Variants in NDUFAF5 observed in about 807,000 individuals in gnomAD.
NDUFAF5 encodes NADH:ubiquinone oxidoreductase complex assembly factor 5.
Under a neutral mutation model 48.9 loss-of-function variants are expected in NDUFAF5, and 34 were observed. That is an observed-to-expected ratio of 0.70 (90% CI 0.53 to 0.93). The LOEUF (loss-of-function observed/expected upper bound fraction) is 0.93, where lower values mean the gene tolerates loss of function less well. NDUFAF5 is among the 40% of genes least tolerant of loss of function. The pLI, the probability that NDUFAF5 is intolerant of heterozygous loss-of-function variation, is 0.00. For missense variants in NDUFAF5, 428 were observed against 427.5 expected (o/e 1.00, Z -0.01); for synonymous variants, 153 against 150.6 (o/e 1.02, Z -0.12).
intron 5 of NDUFAF5, among the ~76,000 whole-genome samples, chr20:13,797,280 A>C (rs1479156858): frequency 6.6e-6 from 1 of 152,238 alleles, no homozygotes; most frequent in Non-Finnish European, 1.5e-5. Flanking sequence ...ACGTCCACGC[A>C]AAAACCTGCA....
chr20:13,818,131 G>A lies in NDUFAF5; in HGVS notation c.*921G>A, dbSNP rs888018777. ...TCTGTCTCCTCTCAGTCTCTCTTCT[G>A]CCTTCCTTCCCTCCTTTACTGTATT... On this transcript the variant is annotated 3_prime_UTR_variant, in exon 11 of 11. Transcript: ENST00000378106. The A allele has an allele frequency of 8.8e-6, 4 of 453,876 alleles. No homozygotes were observed. Among genetic ancestry groups the A allele is most frequent in the African/African-American group, 2.0e-5 (1 of 49,942 alleles). 28.1% of individuals were successfully genotyped at this position (453,876 alleles called of 1,614,324 possible). A position where few individuals can be genotyped will look rare whatever the true frequency, so the allele number is the denominator to read the frequency against.
Position 13,787,057 on chromosome 20 carries a change from A to G in NDUFAF5, c.223-255A>G. 3 of 520,492 alleles carry G rather than the reference A, an allele frequency of 5.8e-6. 1 individual carries two copies. The highest frequency in any genetic ancestry group is 3.5e-6 in the Non-Finnish European group (1 of 287,346). 32.2% of individuals were successfully genotyped at this position (520,492 alleles called of 1,614,324 possible). A position where few individuals can be genotyped will look rare whatever the true frequency, so the allele number is the denominator to read the frequency against. ...ATGTCACATGGAATGTAAAGGCCAC[A>G]TATATATATGTGTGTGTGTGTGTGT... On this transcript the variant is annotated intron_variant, in intron 1 of 10. Transcript: ENST00000378106.
rs779145014 is a variant in NDUFAF5 at position 13,787,353 on chromosome 20, G to A, written c.263+1G>A. 1.2e-6 allele frequency: 2 copies of A among 1,613,750 alleles called. No individual in the cohort carries two copies. Among genetic ancestry groups the A allele is most frequent in the African/African-American group, 1.3e-5 (1 of 74,930 alleles). On this transcript the variant is annotated splice_donor_variant, in intron 2 of 10. Transcript: ENST00000378106. LOFTEE classifies it high-confidence loss of function. ...CAGACCGTGTATATGACATACCCAG[G>A]TAAGTGGTGGTGATCATAATACAAT...
chr20:13,790,615 G>T (rs943522272), intron 3 of NDUFAF5, among the ~76,000 whole-genome samples: 1 of 152,170 alleles, frequency 6.6e-6, no homozygotes, highest in Non-Finnish European at 1.5e-5. Flanking sequence ...CCTCTGCCCA[G>T]AACTGTTAGT....
chr20:13,804,077 C>T (rs917659812), intron 7 of NDUFAF5, among the ~76,000 whole-genome samples: 1 of 152,126 alleles, frequency 6.6e-6, no homozygotes, highest in African/African-American at 2.4e-5. Flanking sequence ...TGAGCCGCTG[C>T]GTCTGGCCAT....
chr20:13,796,087 A>T (rs1983166830), intron 5 of NDUFAF5, among the ~76,000 whole-genome samples: 1 of 152,222 alleles, frequency 6.6e-6, no homozygotes, highest in South Asian at 2.1e-4. Context: ...ATTTTCTTTC[A>T]GAAGTTCAGC....
intron 7 of NDUFAF5, among the ~76,000 whole-genome samples, chr20:13,802,820 A>T (rs1984413873): frequency 6.6e-6 from 1 of 152,130 alleles, no homozygotes; most frequent in Non-Finnish European, 1.5e-5. Flanking sequence ...ATTTTTCTAG[A>T]ACTAGGCTTC....
In NDUFAF5 at chr20:13,818,364, A is replaced by G; in HGVS notation, c.*1154A>G. Reference sequence around the variant, plus strand: ...GTTTGAAAAATCATCGATATTTGAAACTGGGATACGCTTGGTAGCTTTTTT... The same window carrying G: ...GTTTGAAAAATCATCGATATTTGAAGCTGGGATACGCTTGGTAGCTTTTTT... On this transcript the variant is annotated 3_prime_UTR_variant, in exon 11 of 11. Coordinates refer to ENST00000378106, the MANE Select transcript of NDUFAF5 (RefSeq NM_024120.5). 1 of 381,208 alleles carries G rather than the reference A, an allele frequency of 2.6e-6. No individual in the cohort carries two copies. The highest frequency in any genetic ancestry group is 2.0e-5 in the South Asian group (1 of 50,246). The allele number at this position is 381,208 out of a possible 1,614,324, so 23.6% of individuals were successfully genotyped here.
rs192809984 is a variant in NDUFAF5 at position 13,811,634 on chromosome 20, T to C, written c.778+2732T>C. 1.3e-3 allele frequency among the ~76,000 whole-genome samples: 199 copies of C among 152,220 alleles called. 1 individual carries two copies. Among genetic ancestry groups the C allele is most frequent in the African/African-American group, 4.5e-3 (189 of 41,544 alleles). ...TTAATAGGGTAGGGAAGTAATGGCT[T>C]GGAAGAGGCTTCAAGGAGTAAGAAG... On this transcript the variant is annotated intron_variant, in intron 8 of 10. Transcript: ENST00000378106.
intron 6 of NDUFAF5, among the ~76,000 whole-genome samples, chr20:13,799,344 G>T (rs547516729): frequency 4.6e-5 from 7 of 152,240 alleles, no homozygotes; most frequent in African/African-American, 1.7e-4. Context: ...TCCCGTTACT[G>T]TGCTCTGTTT....
At chr20:13,811,898 C>T (rs1411284987) in intron 8 of NDUFAF5, among the ~76,000 whole-genome samples, 1 of 152,076 alleles carries the variant, frequency 6.6e-6, no homozygotes, top group Non-Finnish European at 1.5e-5. Flanking sequence ...CTACACTTAC[C>T]TAGGGGAGCC....
At chr20:13,808,820 A>G in intron 7 of NDUFAF5, 22 bp from the exon 8 acceptor site, 1 of 1,478,990 alleles carries the variant, frequency 6.8e-7, no homozygotes, top group Non-Finnish European at 9.4e-7. Context: ...TCAAATGAAT[A>G]TTTCTTTTTC....
At chr20:13,811,809 T>A (rs1323821991) in intron 8 of NDUFAF5, among the ~76,000 whole-genome samples, 2 of 152,140 alleles carry the variant, frequency 1.3e-5, no homozygotes, top group Non-Finnish European at 2.9e-5. Context: ...TTCTTTTATA[T>A]ATATAGACTG....
intron 7 of NDUFAF5, among the ~76,000 whole-genome samples, chr20:13,808,256 C>G (rs1460734647): frequency 6.6e-6 from 1 of 152,132 alleles, no homozygotes; most frequent in African/African-American, 2.4e-5. Context: ...ATTTGGGGAG[C>G]ATCAGTGGTC....
intron 7 of NDUFAF5, among the ~76,000 whole-genome samples, chr20:13,807,233 A>G (rs1237625693): frequency 6.6e-6 from 1 of 152,032 alleles, no homozygotes; most frequent in Non-Finnish European, 1.5e-5. Flanking sequence ...TTTTTAGTAG[A>G]GATGGGGTTT....
intron 5 of NDUFAF5, among the ~76,000 whole-genome samples, chr20:13,796,248 AT>A (rs1445210680): frequency 2.0e-5 from 3 of 152,098 alleles, no homozygotes; most frequent in Non-Finnish European, 4.4e-5. Flanking sequence ...TGAGTGTGTA[AT>A]TCCTTCCCTG....
rs764546077 is a variant in NDUFAF5 at position 13,785,180 on chromosome 20, A to G, written c.112A>G (p.Ser38Gly). Reference protein sequence around the residue: ...EVTSGVSPRGSTSPRTLNIFD... With the variant: ...EVTSGVSPRGGTSPRTLNIFD... ...CACCTCTGGTGTCTCTCCCCGCGGTAGCACCTCGCCCAGAACCCTGAATAT... is the reference window on the plus strand; with the variant it reads ...CACCTCTGGTGTCTCTCCCCGCGGTGGCACCTCGCCCAGAACCCTGAATAT... The change falls in exon 1 of 11, where the codon AGC becomes GGC. Residue 38 changes from serine (S) to glycine (G), a missense_variant. Transcript: ENST00000378106. 11 of 1,613,800 alleles carry G rather than the reference A, an allele frequency of 6.8e-6. No homozygotes were observed. The highest frequency in any genetic ancestry group is 1.7e-5 in the Admixed American group (1 of 60,002).
intron 8 of NDUFAF5, chr20:13,809,125 GTTAAA>G (rs1236378666): frequency 1.8e-6 from 1 of 561,736 alleles, no homozygotes; most frequent in Non-Finnish European, 3.2e-6. Flanking sequence ...AGAGATAAGT[GTTAAA>G]TTAGAATTAT....
intron 8 of NDUFAF5, chr20:13,814,398 C>G (rs1986230066): frequency 2.5e-6 from 3 of 1,204,974 alleles, no homozygotes; most frequent in African/African-American, 1.6e-5. Context: ...CTCATTTAAG[C>G]TGCTATTATT....
Sources: gnomAD v4.1 joint callset for allele counts (sites outside exome capture counted in the v4.1 genomes callset) on GRCh38, gnomAD v4.1.1 for gene constraint, MANE v1.5 for transcripts, NCBI Gene and HGNC (gene_info 2026-07-23, HGNC 2026-07-21) for gene names.